DENND5B: variants seen among roughly 807,000 people sequenced by gnomAD.
The protein encoded by DENND5B is DENN domain containing 5B.
Under a neutral mutation model 140.6 loss-of-function variants are expected in DENND5B, and 34 were observed. The observed-to-expected ratio is 0.24, with a 90% CI of 0.18 to 0.32. The LOEUF is 0.32. Among genes scored for constraint, DENND5B ranks in the 10% least tolerant of loss-of-function variants. DENND5B has a pLI of 1.00. For missense variants in DENND5B, 1,142 were observed against 1,560.2 expected (o/e 0.73, Z 4.52); for synonymous variants, 551 against 562.1 (o/e 0.98, Z 0.28).
At chr12:31,431,943 T>A in intron 8 of DENND5B, 1 of 522,106 alleles carries the variant, frequency 1.9e-6, no homozygotes, top group Non-Finnish European at 2.5e-6. Context: ...ATGTGAGGCA[T>A]TCTAGAGCTA....
At chr12:31,590,589 G>C in intron 1 of DENND5B, 117 bp downstream of exon 1, 2 of 1,207,430 alleles carry the variant, frequency 1.7e-6, no homozygotes. Context: ...AGAAAGCGGC[G>C]GGAGGGCGCC....
chr12:31,517,967 G>A (rs544463332), intron 1 of DENND5B, among the ~76,000 whole-genome samples: 5 of 152,290 alleles, frequency 3.3e-5, no homozygotes, highest in Admixed American at 3.3e-4. Flanking sequence ...TGAGAAAGTG[G>A]GGGCTCCTTC....
intron 2 of DENND5B, among the ~76,000 whole-genome samples, chr12:31,490,766 T>A (rs1946493674): frequency 6.6e-6 from 1 of 152,190 alleles, no homozygotes; most frequent in East Asian, 1.9e-4. Context: ...ATATAGCCCT[T>A]TTTCCTTTTA....
intron 3 of DENND5B, among the ~76,000 whole-genome samples, chr12:31,470,938 G>C (rs1348206697): frequency 6.6e-6 from 1 of 152,106 alleles, no homozygotes; most frequent in East Asian, 1.9e-4. Context: ...ATTTACTGAA[G>C]GTAAAAGTAA....
In DENND5B at chr12:31,559,755, T is replaced by C. The variant is rs1949411298; in HGVS notation, c.127+30951A>G. Among the ~76,000 whole-genome samples the C allele has an allele frequency of 2.0e-5, 3 of 151,646 alleles. No homozygotes were observed. In the South Asian group the frequency reaches 6.3e-4, roughly 32 times the overall value. ...AAAAGAAAAACAACAGTGAAAGAAATAGAATCAAGGCATTAATCCACCAAG... is the reference window on the plus strand; with the variant it reads ...AAAAGAAAAACAACAGTGAAAGAAACAGAATCAAGGCATTAATCCACCAAG... On this transcript the variant is annotated intron_variant, in intron 1 of 20. Transcript: ENST00000389082.
chr12:31,521,463 T>C (rs1465951244), intron 1 of DENND5B, among the ~76,000 whole-genome samples: 2 of 152,176 alleles, frequency 1.3e-5, no homozygotes, highest in African/African-American at 4.8e-5. Flanking sequence ...ATTCTACCAA[T>C]ACTTATTTTT....
intron 17 of DENND5B, among the ~76,000 whole-genome samples, chr12:31,396,224 C>T (rs966186549): frequency 6.6e-6 from 1 of 151,974 alleles, no homozygotes; most frequent in African/African-American, 2.4e-5. Flanking sequence ...TGCACACTAC[C>T]ATGCCCAGCT....
At chr12:31,442,447 G>A (rs1376202297) in intron 7 of DENND5B, among the ~76,000 whole-genome samples, 1 of 152,060 alleles carries the variant, frequency 6.6e-6, no homozygotes, top group Admixed American at 6.6e-5. Flanking sequence ...TAACACAGAT[G>A]ATAAAGGTCT....
At chr12:31,561,204 C>A (rs1329048075) in intron 1 of DENND5B, among the ~76,000 whole-genome samples, 1 of 152,210 alleles carries the variant, frequency 6.6e-6, no homozygotes, top group African/African-American at 2.4e-5. Context: ...CTCATGTACG[C>A]ATCTCAAGGG....
rs190672721 is a variant in DENND5B, at chr12:31,590,126, T to C, written c.127+580A>G. The C allele has an allele frequency of 8.2e-3, 1,254 of 152,356 alleles. 9 individuals carry two copies. The highest frequency in any genetic ancestry group is 0.02 in the Middle Eastern group (6 of 294). The allele number at this position is 152,356 out of a possible 1,614,324, so 9.4% of individuals were successfully genotyped here. A position where few individuals can be genotyped will look rare whatever the true frequency, so the allele number is the denominator to read the frequency against. On this transcript the variant is annotated intron_variant, in intron 1 of 20. Coordinates refer to ENST00000389082, the MANE Select transcript of DENND5B (RefSeq NM_144973.4). ...ATCCACAGGATTCCAAAAGGTGACT[T>C]GGCCGGCACCGCAGAGCGGCAGGCG...
intron 1 of DENND5B, among the ~76,000 whole-genome samples, chr12:31,568,330 A>G (rs1949703265): frequency 6.6e-6 from 1 of 152,186 alleles, no homozygotes; most frequent in Non-Finnish European, 1.5e-5. Context: ...AAAACACAAA[A>G]TCCTAAATAC....
chr12:31,456,018 C>CA (rs1481741443), intron 4 of DENND5B, among the ~76,000 whole-genome samples: 1 of 148,058 alleles, frequency 6.8e-6, no homozygotes, highest in Non-Finnish European at 1.5e-5. Flanking sequence ...GACTCCGTCT[C>CA]AAAAACAAAA....
chr12:31,401,869 C>G (rs748452483), intron 15 of DENND5B, among the ~76,000 whole-genome samples: 1 of 152,140 alleles, frequency 6.6e-6, no homozygotes, highest in African/African-American at 2.4e-5. Flanking sequence ...AAGCAATCTG[C>G]TCACCTTGGT....
intron 1 of DENND5B, among the ~76,000 whole-genome samples, chr12:31,536,546 G>A (rs903949579): frequency 6.6e-6 from 1 of 151,842 alleles, no homozygotes; most frequent in African/African-American, 2.4e-5. Flanking sequence ...AGAAAAAAGA[G>A]TAAGAATGAA....
intron 4 of DENND5B, among the ~76,000 whole-genome samples, chr12:31,455,168 T>A (rs943764365): frequency 2.0e-5 from 3 of 152,156 alleles, no homozygotes; most frequent in African/African-American, 7.2e-5. Context: ...TTTGCTAATC[T>A]AAATGTTAAC....
At chr12:31,467,886 A>G (rs778407433) in intron 3 of DENND5B, among the ~76,000 whole-genome samples, 19 of 152,162 alleles carry the variant, frequency 1.2e-4, no homozygotes, top group Non-Finnish European at 2.6e-4. Flanking sequence ...AAAAATTTAA[A>G]TCAATTCAAA....
At chr12:31,397,275 G>T (rs911266692) in intron 17 of DENND5B, among the ~76,000 whole-genome samples, 1 of 152,032 alleles carries the variant, frequency 6.6e-6, no homozygotes, top group South Asian at 2.1e-4. Context: ...TGGGGCGGGC[G>T]TGGTGGCTCA....
At chr12:31,433,080 A>C in intron 8 of DENND5B, 75 bp downstream of exon 8, 1 of 1,219,600 alleles carries the variant, frequency 8.2e-7, no homozygotes, top group Admixed American at 2.0e-5. Flanking sequence ...AATCTACACA[A>C]TGACATCTGC....
At position 31,438,361 on chromosome 12, in the gene DENND5B, T is replaced by A. The variant is rs1415732069; in HGVS notation, c.2012+4414A>T. 3.9e-5 allele frequency among the ~76,000 whole-genome samples: 6 copies of A among 152,328 alleles called. No homozygotes were observed. In the East Asian group the frequency reaches 1.2e-3, roughly 29 times the overall value. Reference sequence around the variant, plus strand: ...TTACCTATCATCCTCATGAAATGTATTCATTATCCTAAGAATACTTACTCT... The same window carrying A: ...TTACCTATCATCCTCATGAAATGTAATCATTATCCTAAGAATACTTACTCT... On this transcript the variant is annotated intron_variant, in intron 7 of 20. Transcript: ENST00000389082.
Sources: allele counts gnomAD v4.1 joint callset (sites outside exome capture counted in the v4.1 genomes callset), GRCh38; gene constraint gnomAD v4.1.1; transcripts MANE v1.5; gene names NCBI Gene and HGNC (gene_info 2026-07-23, HGNC 2026-07-21).